The following OPCML variants were observed in gnomAD, a reference collection of about 807,000 sequenced individuals.
The protein encoded by OPCML is opioid binding protein/cell adhesion molecule like.
A neutral mutation model predicts 37.8 loss-of-function variants in OPCML; 13 were observed. That is an observed-to-expected ratio of 0.34 (90% CI 0.22 to 0.55). OPCML has a LOEUF of 0.55. OPCML is among the 20% of genes least tolerant of loss of function. OPCML has a pLI of 0.91. For synonymous variants in OPCML, 176 were observed against 168.8 expected (o/e 1.04, Z -0.33); for missense variants, 341 against 435.6 (o/e 0.78, Z 1.93).
At chr11:132,605,435 G>A (rs960665192) in intron 3 of OPCML, among the ~76,000 whole-genome samples, 1 of 151,772 alleles carries the variant, frequency 6.6e-6, no homozygotes, top group African/African-American at 2.4e-5. Flanking sequence ...GTGATGGCAC[G>A]CACCTATAGT....
intron 1 of OPCML, among the ~76,000 whole-genome samples, chr11:133,248,658 A>G (rs1826337765): frequency 2.0e-5 from 3 of 152,172 alleles, no homozygotes; most frequent in Non-Finnish European, 4.4e-5. Flanking sequence ...ACAAGGTGGT[A>G]GGTAAGTAGT....
chr11:133,279,644 C>G (rs892710722), intron 1 of OPCML, among the ~76,000 whole-genome samples: 3 of 152,140 alleles, frequency 2.0e-5, no homozygotes, highest in Non-Finnish European at 4.4e-5. Context: ...CACCCCATGC[C>G]CGGCTGCTGC....
chr11:132,674,035 T>A (rs754670190), intron 2 of OPCML, among the ~76,000 whole-genome samples: 1 of 152,116 alleles, frequency 6.6e-6, no homozygotes, highest in Non-Finnish European at 1.5e-5. Context: ...ATAGGCAGTG[T>A]ATGGTTGAAG....
Position 132,629,219 on chromosome 11 carries a change from A to G in OPCML, c.379+27868T>C, listed in dbSNP as rs572198077. Among the ~76,000 whole-genome samples the G allele has an allele frequency of 2.0e-5, 3 of 152,250 alleles. No homozygotes were observed. The East Asian group carries it at 5.8e-4, about 30-fold the overall frequency. On this transcript the variant is annotated intron_variant, in intron 3 of 7. Transcript: ENST00000524381. ...GTGCCCCTGTTTCCAAGAATCTGTG[A>G]ATATAATGAACTTCTTCCTCGTGAC...
intron 1 of OPCML, among the ~76,000 whole-genome samples, chr11:133,380,153 C>A (rs1169017452): frequency 6.6e-6 from 1 of 152,074 alleles, no homozygotes; most frequent in East Asian, 1.9e-4. Context: ...GGCCAGAATA[C>A]AAGCAGGGGT....
At position 132,549,260 on chromosome 11, in the gene OPCML, G is replaced by A. The variant is rs113555508; in HGVS notation, c.380-20074C>T. 6.9e-3 allele frequency among the ~76,000 whole-genome samples: 1,058 copies of A among 152,270 alleles called. 18 individuals are homozygous for A. Among genetic ancestry groups the A allele is most frequent in the African/African-American group, 0.023 (973 of 41,546 alleles). The stretch of plus-strand genomic sequence containing the variant: ...CATGCTAAAAGACACTCTGGCCAGC[G>A]CCTTGGTAATTTACAAATGCTATGG... On this transcript the variant is annotated intron_variant, in intron 3 of 7. Coordinates refer to ENST00000524381, the MANE Select transcript of OPCML (RefSeq NM_001012393.5).
intron 1 of OPCML, among the ~76,000 whole-genome samples, chr11:133,468,726 T>G (rs1232410333): frequency 1.3e-5 from 2 of 152,178 alleles, no homozygotes; most frequent in African/African-American, 2.4e-5. Context: ...TGACAAGCGT[T>G]CAAGAGCTCA....
intron 1 of OPCML, chr11:133,418,230 T>C: frequency 1.0e-6 from 1 of 985,410 alleles, no homozygotes; most frequent in Non-Finnish European, 1.2e-6. Context: ...GATCTGTATC[T>C]AGTTTTTAAG....
intron 1 of OPCML, among the ~76,000 whole-genome samples, chr11:133,402,745 C>T (rs1402010127): frequency 1.3e-5 from 2 of 152,184 alleles, no homozygotes; most frequent in African/African-American, 4.8e-5. Context: ...CCTTCTTTGA[C>T]TCATAACTGA....
At chr11:132,680,084 C>A (rs902430311) in intron 2 of OPCML, among the ~76,000 whole-genome samples, 8 of 152,192 alleles carry the variant, frequency 5.3e-5, no homozygotes, top group Non-Finnish European at 1.0e-4. Context: ...CTACAGAGTG[C>A]AATTTCCCAT....
chr11:132,861,838 TA>T (rs58457650), intron 2 of OPCML, among the ~76,000 whole-genome samples: 8,371 of 94,358 alleles, frequency 0.089, 327 homozygotes, highest in African/African-American at 0.19. Context: ...CCATCTCAAA[TA>T]AAAAAAAAAA....
chr11:132,771,910 G>A (rs1425622286), intron 2 of OPCML: 1 of 152,188 alleles, frequency 6.6e-6, no homozygotes, highest in African/African-American at 2.4e-5. Context: ...GCCTCTTCTT[G>A]TAAATGAAGC....
At chr11:133,303,773 G>A (rs1236554926) in intron 1 of OPCML, among the ~76,000 whole-genome samples, 1 of 148,144 alleles carries the variant, frequency 6.8e-6, no homozygotes, top group Non-Finnish European at 1.5e-5. Flanking sequence ...ACTCCAGAAA[G>A]TTTGTAGAAA....
chr11:133,482,685 G>A (rs1422187956), intron 1 of OPCML, among the ~76,000 whole-genome samples: 1 of 152,080 alleles, frequency 6.6e-6, no homozygotes, highest in African/African-American at 2.4e-5. Flanking sequence ...ATAAATAAAT[G>A]GGATGAAGAA....
chr11:133,435,302 C>A (rs1029305822), intron 1 of OPCML, among the ~76,000 whole-genome samples: 3 of 152,110 alleles, frequency 2.0e-5, no homozygotes, highest in African/African-American at 7.2e-5. Context: ...AGATAAAATT[C>A]ACGTCTAGCT....
At chr11:133,415,417 A>G (rs77892682) in intron 1 of OPCML, among the ~76,000 whole-genome samples, 16,133 of 151,990 alleles carry the variant, frequency 0.11, 1,339 homozygotes, top group African/African-American at 0.21. Context: ...CTAAAAAAAA[A>G]AAAAAGCAGA....
In OPCML at chr11:133,336,388, A is replaced by G. The variant is rs564820213; in HGVS notation, c.61+195876T>C. On this transcript the variant is annotated intron_variant, in intron 1 of 7. Coordinates refer to ENST00000524381, the MANE Select transcript of OPCML (RefSeq NM_001012393.5). ...GGAAAAAAAAAAGACAAACTCAAGT[A>G]GTAGGATCTAGTGGCTAAGAATTTG... Among the ~76,000 whole-genome samples, 59 of 152,288 alleles carry G rather than the reference A, an allele frequency of 3.9e-4. 1 individual carries two copies. The South Asian group carries it at 0.012, about 30-fold the overall frequency.
chr11:132,450,808 T>A lies in OPCML; in HGVS notation c.506-13449A>T, dbSNP rs539266544. Among the ~76,000 whole-genome samples, 67 of 152,316 alleles carry A rather than the reference T, an allele frequency of 4.4e-4. 2 individuals carry two copies. In the South Asian group the frequency reaches 0.013, roughly 29 times the overall value. ...GCTCAGGAGTGATTATGACTTTCTG[T>A]GTCCATTTGGATAAATTGCGTAACC... On this transcript the variant is annotated intron_variant, in intron 4 of 7. Transcript: ENST00000524381.
At chr11:132,838,719 G>A (rs1024927928) in intron 2 of OPCML, among the ~76,000 whole-genome samples, 1 of 151,996 alleles carries the variant, frequency 6.6e-6, no homozygotes, top group Admixed American at 6.6e-5. Flanking sequence ...CATACCCATT[G>A]CCAAAGAGCT....
Sources: allele counts gnomAD v4.1 joint callset (sites outside exome capture counted in the v4.1 genomes callset), GRCh38; gene constraint gnomAD v4.1.1; transcripts MANE v1.5; gene names NCBI Gene and HGNC (gene_info 2026-07-23, HGNC 2026-07-21).